Variants in HDAC9 observed in about 807,000 individuals in gnomAD.
The protein encoded by HDAC9 is histone deacetylase 9, also known as MEF-2 interacting transcription repressor (MITR) protein.
HDAC9 carries 41 observed loss-of-function variants against 139.4 expected under a neutral mutation model. The ratio of observed to expected loss-of-function variants is 0.29; its 90% confidence interval spans 0.23 to 0.38. HDAC9 has a LOEUF of 0.38. HDAC9 is among the 10% of genes least tolerant of loss of function. The pLI is 1.00. For synonymous variants in HDAC9, 517 were observed against 476.2 expected (o/e 1.09, Z -1.12); for missense variants, 1,147 against 1,297.0 (o/e 0.88, Z 1.78).
At chr7:18,377,252 T>G (rs983337466) in intron 1 of HDAC9, among the ~76,000 whole-genome samples, 10 of 152,070 alleles carry the variant, frequency 6.6e-5, no homozygotes, top group Admixed American at 5.2e-4. Flanking sequence ...ATCCCATACA[T>G]AAGGGTAGAG....
intron 2 of HDAC9, among the ~76,000 whole-genome samples, chr7:18,506,271 A>T (rs190880036): frequency 1.3e-5 from 2 of 152,282 alleles, no homozygotes; most frequent in Admixed American, 1.3e-4. Context: ...TATCATGCTT[A>T]TGGAAAGGCA....
chr7:18,089,131 C>T (rs949358799), intron 1 of HDAC9, among the ~76,000 whole-genome samples: 4 of 152,060 alleles, frequency 2.6e-5, no homozygotes, highest in Non-Finnish European at 2.9e-5. Context: ...AAAATGGACA[C>T]GGTTAGATGC....
chr7:18,349,370 C>T (rs1031090743), intron 1 of HDAC9, among the ~76,000 whole-genome samples: 2 of 140,834 alleles, frequency 1.4e-5, no homozygotes, highest in African/African-American at 5.6e-5. Flanking sequence ...ACAGATATTG[C>T]CCTTCCTCCT....
chr7:18,157,087 A>G (rs544675941), intron 1 of HDAC9, among the ~76,000 whole-genome samples: 2 of 152,320 alleles, frequency 1.3e-5, no homozygotes, highest in Admixed American at 1.3e-4. Flanking sequence ...AACCAACCAG[A>G]AAAACCCCAA....
At position 18,976,183 on chromosome 7, in the gene HDAC9, T is replaced by C. The variant is rs184310586; in HGVS notation, c.3170+230T>C. Among the ~76,000 whole-genome samples, 421 of 152,280 alleles carry C rather than the reference T, an allele frequency of 2.8e-3. 3 individuals carry two copies. Among genetic ancestry groups the C allele is most frequent in the African/African-American group, 9.6e-3 (399 of 41,566 alleles). ...CATGTGGTTGCAGTTCACAGAGAAA[T>C]AGAGGGGATGAGATAAATGGTGAGA... On this transcript the variant is annotated intron_variant, in intron 25 of 25. Coordinates refer to ENST00000686413, the MANE Select transcript of HDAC9 (RefSeq NM_178425.4).
At chr7:18,989,338 G>C (rs531550009) in intron 25 of HDAC9, among the ~76,000 whole-genome samples, 2 of 151,606 alleles carry the variant, frequency 1.3e-5, no homozygotes, top group Non-Finnish European at 2.9e-5. Context: ...AGTTTGGCTG[G>C]ATATGAAATT....
chr7:18,597,764 A>G (rs1331732929), intron 6 of HDAC9, among the ~76,000 whole-genome samples: 3 of 152,156 alleles, frequency 2.0e-5, no homozygotes, highest in African/African-American at 4.8e-5. Flanking sequence ...CAGTCTTTCC[A>G]TTTAATACTT....
At chr7:18,602,755 G>T (rs1239216970) in intron 6 of HDAC9, among the ~76,000 whole-genome samples, 1 of 151,786 alleles carries the variant, frequency 6.6e-6, no homozygotes, top group African/African-American at 2.4e-5. Flanking sequence ...GTATTTGCTA[G>T]CTGTCTTTCT....
chr7:18,718,220 A>G (rs1381344644), intron 12 of HDAC9, among the ~76,000 whole-genome samples: 2 of 151,838 alleles, frequency 1.3e-5, no homozygotes, highest in Non-Finnish European at 2.9e-5. Context: ...ATTGTATGGT[A>G]TGTGTTTTTT....
chr7:18,152,815 G>A (rs1267521730), intron 1 of HDAC9, among the ~76,000 whole-genome samples: 1 of 152,200 alleles, frequency 6.6e-6, no homozygotes, highest in Non-Finnish European at 1.5e-5. Context: ...TAAAGTTTGT[G>A]TAAGTTAGAA....
At chr7:18,283,440 C>G (rs1008972942) in intron 2 of HDAC9, among the ~76,000 whole-genome samples, 1 of 152,084 alleles carries the variant, frequency 6.6e-6, no homozygotes. Context: ...CAAACCATAT[C>G]AAAGAGACTG....
chr7:18,276,213 G>A (rs563279772), intron 2 of HDAC9, among the ~76,000 whole-genome samples: 1 of 152,106 alleles, frequency 6.6e-6, no homozygotes, highest in Non-Finnish European at 1.5e-5. Flanking sequence ...TTTTTAACCT[G>A]TATGAAACTA....
At chr7:18,492,373 GT>G (rs1796436406), upstream of HDAC9, among the ~76,000 whole-genome samples, 10 of 151,894 alleles carry the variant, frequency 6.6e-5, 1 homozygote, top group South Asian at 2.1e-3. Flanking sequence ...TGCCATACAG[GT>G]TTTTTAATAC....
At chr7:18,831,568 T>A (rs1476814605) in intron 19 of HDAC9, among the ~76,000 whole-genome samples, 2 of 152,256 alleles carry the variant, frequency 1.3e-5, no homozygotes, top group South Asian at 4.2e-4. Context: ...TATATGGAGT[T>A]CTGTCCAAAG....
At chr7:18,547,089 A>G (rs1271227609) in intron 2 of HDAC9, among the ~76,000 whole-genome samples, 2 of 152,238 alleles carry the variant, frequency 1.3e-5, no homozygotes, top group Non-Finnish European at 2.9e-5. Context: ...TACATACTTT[A>G]ATTAAAAATT....
intron 2 of HDAC9, among the ~76,000 whole-genome samples, chr7:18,258,533 G>T (rs1795429887): frequency 6.6e-6 from 1 of 152,092 alleles, no homozygotes; most frequent in Non-Finnish European, 1.5e-5. Flanking sequence ...GGGCAATTTA[G>T]TTGTAAACAA....
chr7:18,442,476 C>T (rs768246317), intron 1 of HDAC9, among the ~76,000 whole-genome samples: 32 of 152,302 alleles, frequency 2.1e-4, no homozygotes, highest in Middle Eastern at 3.4e-3. Context: ...TGGTACATCT[C>T]CCTCTCCACC....
chr7:18,166,743 T>A (rs938155260), intron 2 of HDAC9, among the ~76,000 whole-genome samples: 1 of 152,200 alleles, frequency 6.6e-6, no homozygotes, highest in Non-Finnish European at 1.5e-5. Context: ...AACTCTTTAA[T>A]GATTCACCAT....
chr7:18,971,173 G>C (rs944352373), intron 24 of HDAC9, among the ~76,000 whole-genome samples: 3 of 151,932 alleles, frequency 2.0e-5, no homozygotes, highest in Middle Eastern at 3.2e-3. Context: ...TTCATTATTT[G>C]TGTTACTTTT....
Sources: gnomAD v4.1 joint callset for allele counts (sites outside exome capture counted in the v4.1 genomes callset) on GRCh38, gnomAD v4.1.1 for gene constraint, MANE v1.5 for transcripts, NCBI Gene and HGNC (gene_info 2026-07-23, HGNC 2026-07-21) for gene names.